The following TRPM3 variants were observed in gnomAD, a reference collection of about 807,000 sequenced individuals.
The protein encoded by TRPM3 is long transient receptor potential channel 3.
A neutral mutation model predicts 181.2 loss-of-function variants in TRPM3; 77 were observed. The ratio of observed to expected loss-of-function variants is 0.42; its 90% CI spans 0.35 to 0.51. TRPM3 has a LOEUF of 0.51. TRPM3 is among the 20% of genes least tolerant of loss of function. The pLI is 0.01. For missense variants in TRPM3, 1,759 were observed against 2,196.7 expected (o/e 0.80, Z 3.98); for synonymous variants, 745 against 796.4 (o/e 0.94, Z 1.09).
rs117917463 is a variant in TRPM3, at chr9:71,083,678, G to T, written c.177+37500C>A. On this transcript the variant is annotated intron_variant, in intron 1 of 25. Transcript: ENST00000677713. ...CATTAAAGGGCATTTATTGTAACCA[G>T]TGTTGCATAAAAGTCCCCAAAATGT... is the stretch of plus-strand genomic sequence containing the variant. 5.0e-3 allele frequency among the ~76,000 whole-genome samples: 750 copies of T among 150,666 alleles called. 18 individuals are homozygous for T. The East Asian group carries it at 0.079, about 16-fold the overall frequency.
chr9:70,975,989 C>T (rs2097298230), intron 1 of TRPM3, among the ~76,000 whole-genome samples: 1 of 152,166 alleles, frequency 6.6e-6, no homozygotes, highest in African/African-American at 2.4e-5. Context: ...TCTTTCTATC[C>T]TTCCTCCCCC....
At chr9:71,183,163 CTT>C (rs957548890) in intron 1 of TRPM3, among the ~76,000 whole-genome samples, 2 of 150,804 alleles carry the variant, frequency 1.3e-5, no homozygotes, top group African/African-American at 5.0e-5. Flanking sequence ...TTAAGTAAGA[CTT>C]AATATCAAAA....
intron 1 of TRPM3, among the ~76,000 whole-genome samples, chr9:71,407,226 T>C (rs928392216): frequency 6.6e-6 from 1 of 152,068 alleles, no homozygotes; most frequent in East Asian, 1.9e-4. Context: ...TTAGGACTGG[T>C]TGGACAGTGG....
chr9:70,917,695 C>A (rs779705185), intron 1 of TRPM3, among the ~76,000 whole-genome samples: 7 of 151,414 alleles, frequency 4.6e-5, no homozygotes, highest in Non-Finnish European at 1.0e-4. Flanking sequence ...AGAAAATCAC[C>A]TTTATTAAGA....
At position 70,905,117 on chromosome 9, in the gene TRPM3, G is replaced by T. The variant is rs11999819; in HGVS notation, c.178-40606C>A. Among the ~76,000 whole-genome samples, 1,497 of 152,294 alleles carry T rather than the reference G, an allele frequency of 9.8e-3. 20 individuals are homozygous for T. The highest frequency in any genetic ancestry group is 0.034 in the African/African-American group (1,415 of 41,556). On this transcript the variant is annotated intron_variant, in intron 1 of 25. Transcript: ENST00000677713. ...ATGGATTATCCACTTTCCTCCAGTT[G>T]CATTTCTGAGCCTACAAATGCAATG...
At chr9:71,077,398 T>A (rs1039230698) in intron 1 of TRPM3, among the ~76,000 whole-genome samples, 1 of 152,200 alleles carries the variant, frequency 6.6e-6, no homozygotes, top group Non-Finnish European at 1.5e-5. Flanking sequence ...CTAAGCTTCA[T>A]CATTTGACTC....
chr9:70,922,041 A>C (rs2096662842), intron 1 of TRPM3, among the ~76,000 whole-genome samples: 1 of 152,078 alleles, frequency 6.6e-6, no homozygotes, highest in Non-Finnish European at 1.5e-5. Context: ...AATAAGAATC[A>C]AATGTAGAAC....
chr9:71,039,220 T>G (rs528908230), intron 1 of TRPM3, among the ~76,000 whole-genome samples: 1 of 152,270 alleles, frequency 6.6e-6, no homozygotes, highest in East Asian at 1.9e-4. Context: ...CTGAACTTTC[T>G]GGTGCTTCAG....
In TRPM3 at chr9:70,605,951, C is replaced by A. The variant is rs1476520398; in HGVS notation, c.2668-2481G>T. ...CTGCATTTTAATACTTAAGTAACTC[C>A]TTAAACCTATTTTAATGCTTAAGTA... On this transcript the variant is annotated intron_variant, in intron 19 of 25. Coordinates refer to ENST00000677713, the MANE Select transcript of TRPM3 (RefSeq NM_001366145.2). Among the ~76,000 whole-genome samples, 3 of 152,212 alleles carry A rather than the reference C, an allele frequency of 2.0e-5. No individual in the cohort carries two copies. In the East Asian group the frequency reaches 5.8e-4, roughly 29 times the overall value.
intron 1 of TRPM3, among the ~76,000 whole-genome samples, chr9:71,336,081 AAT>A (rs1332677338): frequency 3.9e-5 from 6 of 152,060 alleles, no homozygotes; most frequent in Admixed American, 1.3e-4. Flanking sequence ...TAGCCTGAAA[AAT>A]AACCACAAAA....
intron 1 of TRPM3, among the ~76,000 whole-genome samples, chr9:71,394,083 A>G (rs1647155004): frequency 6.6e-6 from 1 of 152,210 alleles, no homozygotes; most frequent in African/African-American, 2.4e-5. Flanking sequence ...AAAGCAAGAG[A>G]TTAGGAAACA....
rs1195993938 is a variant in TRPM3 at position 70,531,759 on chromosome 9, T to G, written c.*4194A>C. 6.6e-6 allele frequency: 1 copy of G among 152,174 alleles called. No homozygotes were observed. Among genetic ancestry groups the G allele is most frequent in the Non-Finnish European group, 1.5e-5 (1 of 68,024 alleles). 9.4% of individuals were successfully genotyped at this position (152,174 alleles called of 1,614,324 possible). Reference sequence around the variant, plus strand: ...TAAGTTCATTTGTCATATAGTCTTTTGCATAACATGCCAGTTCATCTTTCA... The same window carrying G: ...TAAGTTCATTTGTCATATAGTCTTTGGCATAACATGCCAGTTCATCTTTCA... On this transcript the variant is annotated 3_prime_UTR_variant, in exon 26 of 26. Transcript: ENST00000677713.
intron 1 of TRPM3, among the ~76,000 whole-genome samples, chr9:71,025,425 C>T (rs2097886663): frequency 6.6e-6 from 1 of 152,158 alleles, no homozygotes. Context: ...GCAAGGAACA[C>T]ATGATTCATC....
In TRPM3 at chr9:70,800,232, C is replaced by T. The variant is rs151166030; in HGVS notation, c.974-15953G>A. Among the ~76,000 whole-genome samples the T allele has an allele frequency of 1.4e-3, 215 of 152,276 alleles. 1 individual carries two copies. The highest frequency in any genetic ancestry group is 5.0e-3 in the African/African-American group (208 of 41,556). ...TACAAATGGAACTAAAACAAAGTTG[C>T]TTGTGAATTTCTGGGTTGTAGTGGA... is the stretch of plus-strand genomic sequence containing the variant. On this transcript the variant is annotated intron_variant, in intron 6 of 25. Transcript: ENST00000677713.
chr9:71,065,249 G>A (rs917180821), intron 1 of TRPM3, among the ~76,000 whole-genome samples: 2 of 152,148 alleles, frequency 1.3e-5, no homozygotes, highest in Non-Finnish European at 2.9e-5. Context: ...AAGTGGGACT[G>A]TCAAGTAAAG....
At chr9:71,168,097 C>G (rs763759914) in intron 1 of TRPM3, among the ~76,000 whole-genome samples, 24 of 152,104 alleles carry the variant, frequency 1.6e-4, no homozygotes, top group Non-Finnish European at 7.4e-5. Flanking sequence ...AAGTTAAAAA[C>G]TATCACCCAT....
At chr9:71,324,745 A>C (rs547879372) in intron 1 of TRPM3, among the ~76,000 whole-genome samples, 1 of 152,248 alleles carries the variant, frequency 6.6e-6, no homozygotes, top group South Asian at 2.1e-4. Context: ...AAACGCATAA[A>C]GAAAGTGTGG....
intron 10 of TRPM3, among the ~76,000 whole-genome samples, 171 bp from the exon 11 acceptor site, chr9:70,639,365 C>A (rs1035738777): frequency 1.3e-5 from 2 of 152,182 alleles, no homozygotes; most frequent in Admixed American, 1.3e-4. Flanking sequence ...GGGACAGCCA[C>A]ACCTCTCCCA....
intron 1 of TRPM3, among the ~76,000 whole-genome samples, chr9:71,259,509 C>G (rs751818801): frequency 2.0e-5 from 3 of 152,246 alleles, no homozygotes; most frequent in Non-Finnish European, 2.9e-5. Flanking sequence ...TTCCTACCAA[C>G]AGCCTAAAAG....
Sources: allele counts gnomAD v4.1 joint callset (sites outside exome capture counted in the v4.1 genomes callset), GRCh38; gene constraint gnomAD v4.1.1; transcripts MANE v1.5; gene names NCBI Gene and HGNC (gene_info 2026-07-23, HGNC 2026-07-21).